The following ZDHHC23 variants were observed in gnomAD, a reference collection of about 807,000 sequenced individuals.
The protein encoded by ZDHHC23 is zDHHC palmitoyltransferase 23, also known as palmitoyltransferase ZDHHC23.
In ZDHHC23, 41 loss-of-function variants were observed where a neutral mutation model predicts 40.2. That is an observed-to-expected ratio of 1.02 (90% confidence interval 0.79 to 1.32). ZDHHC23 has a LOEUF of 1.32. Among genes scored for constraint, ZDHHC23 ranks in the 40% most tolerant of loss-of-function variants. The pLI, the probability that ZDHHC23 is intolerant of heterozygous loss-of-function variation, is 0.00. For missense variants in ZDHHC23, 471 were observed against 541.5 expected (o/e 0.87, Z 1.29); for synonymous variants, 204 against 210.2 (o/e 0.97, Z 0.26).
chr3:113,966,594 C>G (rs1940196740), downstream of ZDHHC23, among the ~76,000 whole-genome samples: 1 of 152,146 alleles, frequency 6.6e-6, no homozygotes, highest in Non-Finnish European at 1.5e-5. Flanking sequence ...GCGAGAATAG[C>G]ATGCCGTGGT....
intron 4 of ZDHHC23, among the ~76,000 whole-genome samples, chr3:113,957,385 G>A (rs902968301): frequency 2.0e-5 from 3 of 152,210 alleles, no homozygotes; most frequent in African/African-American, 7.2e-5. Context: ...ACACCTGTGG[G>A]CATTATTAGA....
intron 2 of ZDHHC23, among the ~76,000 whole-genome samples, chr3:113,951,706 G>C (rs1055944125): frequency 6.6e-6 from 1 of 152,166 alleles, no homozygotes; most frequent in Non-Finnish European, 1.5e-5. Context: ...CTGGCACGGG[G>C]CTAATCCATA....
chr3:113,959,757 G>A lies in ZDHHC23; in HGVS notation c.*1127G>A, dbSNP rs1440977256. Reference sequence around the variant, plus strand: ...TGAGTGACATCTTCCCACTTAACTTGCACATTAATTCTCAATTACCCCTCC... The same window carrying A: ...TGAGTGACATCTTCCCACTTAACTTACACATTAATTCTCAATTACCCCTCC... On this transcript the variant is annotated 3_prime_UTR_variant, in exon 5 of 5. Coordinates refer to ENST00000638807, the MANE Select transcript of ZDHHC23 (RefSeq NM_001320466.2). The A allele has an allele frequency of 9.3e-7, 1 of 1,073,044 alleles. No homozygotes were observed. 66.5% of individuals were successfully genotyped at this position (1,073,044 alleles called of 1,614,324 possible).
chr3:113,972,584 C>G, the ZDHHC23 span, among the ~76,000 whole-genome samples: 2 of 151,872 alleles, frequency 1.3e-5, no homozygotes, highest in Non-Finnish European at 2.9e-5. Flanking sequence ...AATGTCAGAC[C>G]TATTTGGCCT....
At chr3:113,949,693 G>A (rs912217956) in intron 2 of ZDHHC23, among the ~76,000 whole-genome samples, 19 of 152,194 alleles carry the variant, frequency 1.2e-4, no homozygotes, top group African/African-American at 4.6e-4. Context: ...ATGTGGGAAG[G>A]ATAGGGATGT....
In ZDHHC23 at chr3:113,959,354, A is replaced by ACTT; in HGVS notation, c.*724_*725insCTT. On this transcript the variant is annotated 3_prime_UTR_variant, in exon 5 of 5. Coordinates refer to ENST00000638807, the MANE Select transcript of ZDHHC23 (RefSeq NM_001320466.2). ...GATGCTAAGTTGTCTCATCTTGAAAAGACAGTTGACAACAGTTATAAAGAT... is the reference window on the plus strand; with the variant it reads ...GATGCTAAGTTGTCTCATCTTGAAAACTTGACAGTTGACAACAGTTATAAAGAT... 1 of 1,111,520 alleles carries ACTT rather than the reference A, an allele frequency of 9.0e-7. No individual in the cohort carries two copies. Among genetic ancestry groups the ACTT allele is most frequent in the Non-Finnish European group, 1.1e-6 (1 of 890,284 alleles). The allele number at this position is 1,111,520 out of a possible 1,614,324, so 68.9% of individuals were successfully genotyped here. A position where few individuals can be genotyped will look rare whatever the true frequency, so the allele number is the denominator to read the frequency against.
downstream of ZDHHC23, chr3:113,965,412 C>A: frequency 9.8e-7 from 1 of 1,024,182 alleles, no homozygotes; most frequent in South Asian, 1.6e-5. Context: ...GTTGGCTTTC[C>A]ATCTATAGCA....
intron 3 of ZDHHC23, 103 bp downstream of exon 3, chr3:113,954,513 G>A (rs1577258790): frequency 9.4e-7 from 1 of 1,068,092 alleles, no homozygotes; most frequent in East Asian, 2.6e-5. Flanking sequence ...CTCCTTCCCA[G>A]CTTTACACCT....
At chr3:113,965,343 T>C (rs200348566), downstream of ZDHHC23, 13 of 1,585,066 alleles carry the variant, frequency 8.2e-6, no homozygotes, top group East Asian at 2.5e-4. Context: ...GTCCGAAGGG[T>C]GATCCAGAGG....
chr3:113,960,726 T>C lies in ZDHHC23; in HGVS notation c.*2096T>C. The C allele has an allele frequency of 1.9e-6, 3 of 1,589,118 alleles. No homozygotes were observed. The highest frequency in any genetic ancestry group is 2.6e-6 in the Non-Finnish European group (3 of 1,171,172). Reference sequence around the variant, plus strand: ...AACAACTTACCTCTAATAGGGTTACTTGGATGAGCCAACTCCGCTTCCTTC... The same window carrying C: ...AACAACTTACCTCTAATAGGGTTACCTGGATGAGCCAACTCCGCTTCCTTC... On this transcript the variant is annotated 3_prime_UTR_variant, in exon 5 of 5. Transcript: ENST00000638807.
At position 113,954,012 on chromosome 3, in the gene ZDHHC23, G is replaced by T. The variant is rs762373839; in HGVS notation, c.474G>T (p.Gln158His). Reference sequence around the variant, plus strand: ...GCTACATGTACTATGTGTTCCTGCAGGAAGTGGTCCCCAAAGGGCGTGTGG... The same window carrying T: ...GCTACATGTACTATGTGTTCCTGCATGAAGTGGTCCCCAAAGGGCGTGTGG... Reference protein sequence around the residue: ...SLGYMYYVFLQEVVPKGRVGP... With the variant: ...SLGYMYYVFLHEVVPKGRVGP... Residue 158 changes from glutamine (Q) to histidine (H), a missense_variant, in exon 3 of 5, where the codon CAG (glutamine) becomes CAT (histidine). Physicochemically the swap from Gln to His is conservative, Grantham distance 24. Transcript: ENST00000638807. 6.2e-7 allele frequency: 1 copy of T among 1,614,018 alleles called. No homozygotes were observed. The highest frequency in any genetic ancestry group is 1.3e-5 in the African/African-American group (1 of 74,892).
chr3:113,959,600 G>T lies in ZDHHC23; in HGVS notation c.*970G>T. The T allele has an allele frequency of 8.2e-7, 1 of 1,212,374 alleles. No homozygotes were observed. The highest frequency in any genetic ancestry group is 1.1e-6 in the Non-Finnish European group (1 of 932,348). 75.1% of individuals were successfully genotyped at this position (1,212,374 alleles called of 1,614,324 possible). ...GTGGGGATGCTTTACTCTCTTTTCT[G>T]GTAGGAAGGCTGAGTAACATCACGG... On this transcript the variant is annotated 3_prime_UTR_variant, in exon 5 of 5. Transcript: ENST00000638807.
chr3:113,959,735 G>C lies in ZDHHC23; in HGVS notation c.*1105G>C. On this transcript the variant is annotated 3_prime_UTR_variant, in exon 5 of 5. Transcript: ENST00000638807. ...TCTGGTATGAACTTTGAGGAGTTGAGTGACATCTTCCCACTTAACTTGCAC... is the reference window on the plus strand; with the variant it reads ...TCTGGTATGAACTTTGAGGAGTTGACTGACATCTTCCCACTTAACTTGCAC... 9.2e-7 allele frequency: 1 copy of C among 1,081,410 alleles called. No individual in the cohort carries two copies. Among genetic ancestry groups the C allele is most frequent in the Non-Finnish European group, 1.1e-6 (1 of 874,324 alleles). 67.0% of individuals were successfully genotyped at this position (1,081,410 alleles called of 1,614,324 possible).
intron 4 of ZDHHC23, among the ~76,000 whole-genome samples, chr3:113,956,819 C>G (rs1939269705): frequency 6.6e-6 from 1 of 152,130 alleles, no homozygotes; most frequent in South Asian, 2.1e-4. Context: ...GAAACAGAAA[C>G]AATAAACAAA....
chr3:113,959,753 A>G lies in ZDHHC23; in HGVS notation c.*1123A>G. On this transcript the variant is annotated 3_prime_UTR_variant, in exon 5 of 5. Coordinates refer to ENST00000638807, the MANE Select transcript of ZDHHC23 (RefSeq NM_001320466.2). ...GAGTTGAGTGACATCTTCCCACTTA[A>G]CTTGCACATTAATTCTCAATTACCC... The G allele has an allele frequency of 9.3e-7, 1 of 1,074,858 alleles. No homozygotes were observed. The highest frequency in any genetic ancestry group is 1.1e-6 in the Non-Finnish European group (1 of 871,530). 66.6% of individuals were successfully genotyped at this position (1,074,858 alleles called of 1,614,324 possible). A position where few individuals can be genotyped will look rare whatever the true frequency, so the allele number is the denominator to read the frequency against.
In ZDHHC23 at chr3:113,948,013, A is replaced by C. The variant is rs1430321970; in HGVS notation, c.-295A>C. 1.3e-5 allele frequency: 2 copies of C among 150,100 alleles called. No homozygotes were observed. The highest frequency in any genetic ancestry group is 6.6e-5 in the Admixed American group (1 of 15,098). 9.3% of individuals were successfully genotyped at this position (150,100 alleles called of 1,614,324 possible). On this transcript the variant is annotated 5_prime_UTR_variant, in exon 1 of 5. Coordinates refer to ENST00000638807, the MANE Select transcript of ZDHHC23 (RefSeq NM_001320466.2). The stretch of plus-strand genomic sequence containing the variant: ...GCCCGGGCCGCGGCGGGCTGTGGTC[A>C]CAGGTGGGCGGCTGCGGCGAGGGAG...
downstream of ZDHHC23, among the ~76,000 whole-genome samples, chr3:113,968,432 G>A (rs546418599): frequency 1.6e-4 from 24 of 151,998 alleles, no homozygotes; most frequent in South Asian, 5.0e-3. Context: ...TATATCTTTT[G>A]AGAAATGTCT....
downstream of ZDHHC23, among the ~76,000 whole-genome samples, chr3:113,969,098 G>A (rs960123464): frequency 3.9e-5 from 6 of 152,088 alleles, no homozygotes; most frequent in African/African-American, 9.7e-5. Flanking sequence ...CAGCTCTTCC[G>A]TAACTAATAG....
rs1229512118 is a variant in ZDHHC23 at position 113,954,411 on chromosome 3, G to T, written c.872+1G>T. ...GGAGAATGGATCATCATTGTGTCTG[G>T]TATGTTGGAAACATTTGGAGACTTG... is the stretch of plus-strand genomic sequence containing the variant. On this transcript the variant is annotated splice_donor_variant, in intron 3 of 4. Transcript: ENST00000638807. LOFTEE classifies it high-confidence loss of function. The T allele has an allele frequency of 1.9e-6, 3 of 1,571,970 alleles. No homozygotes were observed. The highest frequency in any genetic ancestry group is 2.6e-6 in the Non-Finnish European group (3 of 1,158,966).
Sources: gnomAD v4.1 joint callset for allele counts (sites outside exome capture counted in the v4.1 genomes callset) on GRCh38, gnomAD v4.1.1 for gene constraint, MANE v1.5 for transcripts, NCBI Gene and HGNC (gene_info 2026-07-23, HGNC 2026-07-21) for gene names.